KLHL6: variants seen among roughly 807,000 people sequenced by gnomAD.
KLHL6 encodes the protein kelch like family member 6.
A neutral mutation model predicts 58.6 loss-of-function variants in KLHL6; 41 were observed. The observed-to-expected ratio is 0.70, with a 90% CI of 0.55 to 0.91. KLHL6 has a LOEUF of 0.91. KLHL6 is among the 40% of genes least tolerant of loss of function. The pLI is 0.00. For missense variants in KLHL6, 714 were observed against 805.6 expected, an observed-to-expected ratio of 0.89 and a Z score of 1.38; for synonymous variants, 338 against 322.7, an observed-to-expected ratio of 1.05 and a Z score of -0.51.
chr3:183,526,160 A>C (rs988883259), intron 2 of KLHL6, among the ~76,000 whole-genome samples: 20 of 152,014 alleles, frequency 1.3e-4, no homozygotes, highest in African/African-American at 4.3e-4. Context: ...ATACAAAAAA[A>C]ATTAGCCGGG....
intron 2 of KLHL6, among the ~76,000 whole-genome samples, chr3:183,513,207 C>A (rs1351820240): frequency 6.6e-6 from 1 of 152,136 alleles, no homozygotes; most frequent in East Asian, 1.9e-4. Context: ...TACTATAGGC[C>A]AGACTCTACA....
chr3:183,541,840 TTTTG>T (rs1372751304), intron 1 of KLHL6, among the ~76,000 whole-genome samples: 7 of 152,202 alleles, frequency 4.6e-5, no homozygotes, highest in African/African-American at 7.2e-5. Context: ...ACTTGAGATG[TTTTG>T]TTTATGAGCT....
intron 2 of KLHL6, among the ~76,000 whole-genome samples, chr3:183,525,253 G>T (rs1711914923): frequency 2.0e-5 from 1 of 50,030 alleles, no homozygotes; most frequent in African/African-American, 5.8e-5. Flanking sequence ...AACAGAGTGA[G>T]ACTCTCTAAA....
intron 1 of KLHL6, among the ~76,000 whole-genome samples, chr3:183,532,380 C>T: frequency 6.6e-6 from 1 of 152,196 alleles, no homozygotes. Flanking sequence ...AGGAAATAAA[C>T]ATTTCTGTTG....
chr3:183,527,964 T>C lies in KLHL6; in HGVS notation c.340A>G (p.Ile114Val). The part of the protein sequence containing the change: ...DLKEKYEKRI[I>V]IKGVDAETMH... Reference sequence around the variant, plus strand: ...GTCTCAGCATCAACCCCTTTAATAATGATCCTTTTCTCATACTTTTCCTTT... The same window carrying C: ...GTCTCAGCATCAACCCCTTTAATAACGATCCTTTTCTCATACTTTTCCTTT... The change falls in exon 2 of 7, where the codon ATT becomes GTT. Residue 114 changes from isoleucine (I) to valine (V), a missense_variant. Transcript: ENST00000341319. The C allele has an allele frequency of 6.2e-7, 1 of 1,614,040 alleles. No individual in the cohort carries two copies. Among genetic ancestry groups the C allele is most frequent in the Non-Finnish European group, 8.5e-7 (1 of 1,180,006 alleles).
intron 2 of KLHL6, among the ~76,000 whole-genome samples, chr3:183,519,068 T>G (rs1420137181): frequency 6.6e-6 from 1 of 152,024 alleles, no homozygotes; most frequent in African/African-American, 2.4e-5. Context: ...AAAGCAGCAG[T>G]CCGGTATGGC....
At position 183,555,355 on chromosome 3, in the gene KLHL6, G is replaced by A. The variant is rs200520063; in HGVS notation, c.293+6C>T. 6.2e-7 allele frequency: 1 copy of A among 1,612,994 alleles called. No homozygotes were observed. Among genetic ancestry groups the A allele is most frequent in the Non-Finnish European group, 8.5e-7 (1 of 1,179,182 alleles). On this transcript the variant is annotated splice_donor_region_variant and intron_variant, in intron 1 of 6. Coordinates refer to ENST00000341319, the MANE Select transcript of KLHL6 (RefSeq NM_130446.4). ...CCAATTTGACTCTGGTCCTAGGCAT[G>A]CTGACCTGAAATAGTTGCTGGCTGC...
intron 1 of KLHL6, among the ~76,000 whole-genome samples, chr3:183,550,152 A>C (rs983761824): frequency 1.3e-5 from 2 of 152,226 alleles, no homozygotes; most frequent in Non-Finnish European, 2.9e-5. Flanking sequence ...GATTCTCAAC[A>C]GGTTGGAAGA....
At chr3:183,541,387 G>T in intron 1 of KLHL6, among the ~76,000 whole-genome samples, 1 of 152,346 alleles carries the variant, frequency 6.6e-6, no homozygotes, top group Admixed American at 6.5e-5. Flanking sequence ...AGGAGGAGCT[G>T]CCACAGTTGG....
chr3:183,508,745 C>A (rs528812402), intron 2 of KLHL6, among the ~76,000 whole-genome samples: 2 of 151,964 alleles, frequency 1.3e-5, no homozygotes, highest in African/African-American at 4.8e-5. Context: ...GAGATACTTA[C>A]GGGAGGAGCT....
At chr3:183,526,097 C>T (rs905888526) in intron 2 of KLHL6, among the ~76,000 whole-genome samples, 6 of 152,220 alleles carry the variant, frequency 3.9e-5, no homozygotes, top group African/African-American at 9.6e-5. Flanking sequence ...CACCTGAGGT[C>T]GGGAGTTCGA....
intron 2 of KLHL6, among the ~76,000 whole-genome samples, chr3:183,510,524 C>T (rs954230005): frequency 1.3e-5 from 2 of 152,138 alleles, no homozygotes; most frequent in Non-Finnish European, 2.9e-5. Flanking sequence ...TTTGGATCAA[C>T]CTCTATTGCA....
chr3:183,549,811 A>G (rs1022918481), intron 1 of KLHL6, among the ~76,000 whole-genome samples: 6 of 152,170 alleles, frequency 3.9e-5, no homozygotes, highest in Non-Finnish European at 7.3e-5. Context: ...GTGGTGGCTC[A>G]TGCTTGTAAT....
At chr3:183,512,513 CAG>C (rs1718217624) in intron 2 of KLHL6, among the ~76,000 whole-genome samples, 1 of 150,044 alleles carries the variant, frequency 6.7e-6, no homozygotes, top group Non-Finnish European at 1.5e-5. Context: ...TTTTTTGAGA[CAG>C]AGTTTTGCTT....
chr3:183,509,722 C>T (rs528253868), intron 2 of KLHL6, among the ~76,000 whole-genome samples: 73 of 152,132 alleles, frequency 4.8e-4, no homozygotes, highest in African/African-American at 1.5e-3. Context: ...TCAGAGGGGG[C>T]GCATGCTATA....
chr3:183,511,263 G>C (rs891950345), intron 2 of KLHL6, among the ~76,000 whole-genome samples: 7 of 152,180 alleles, frequency 4.6e-5, no homozygotes, highest in Non-Finnish European at 1.0e-4. Flanking sequence ...CCAGATTTTT[G>C]CTTCTCTCCA....
Position 183,487,951 on chromosome 3 carries a change from T to C in KLHL6, c.*3976A>G, listed in dbSNP as rs1717445579. ...TTCAGAATAAAACAGGATAAGCAAATAACTCACAACAGTACCTCATAGTCT... is the reference window on the plus strand; with the variant it reads ...TTCAGAATAAAACAGGATAAGCAAACAACTCACAACAGTACCTCATAGTCT... On this transcript the variant is annotated 3_prime_UTR_variant, in exon 7 of 7. Coordinates refer to ENST00000341319, the MANE Select transcript of KLHL6 (RefSeq NM_130446.4). 1 of 152,166 alleles carries C rather than the reference T, an allele frequency of 6.6e-6. No individual in the cohort carries two copies. The highest frequency in any genetic ancestry group is 2.4e-5 in the African/African-American group (1 of 41,438). 9.4% of individuals were successfully genotyped at this position (152,166 alleles called of 1,614,324 possible).
At chr3:183,524,528 G>T (rs1452116445) in intron 2 of KLHL6, among the ~76,000 whole-genome samples, 1 of 152,164 alleles carries the variant, frequency 6.6e-6, no homozygotes, top group South Asian at 2.1e-4. Flanking sequence ...CTGTTTCATG[G>T]CATCGCTGAT....
rs1018359892 is a variant in KLHL6 at position 183,489,594 on chromosome 3, A to G, written c.*2333T>C. 2.0e-5 allele frequency: 3 copies of G among 152,194 alleles called. No individual in the cohort carries two copies. The highest frequency in any genetic ancestry group is 2.9e-5 in the Non-Finnish European group (2 of 68,040). The allele number at this position is 152,194 out of a possible 1,614,324, so 9.4% of individuals were successfully genotyped here. A position where few individuals can be genotyped will look rare whatever the true frequency, so the allele number is the denominator to read the frequency against. Reference sequence around the variant, plus strand: ...TGTTTGCTGAATTGAACTAGATTACACTGTTACATTGCTTCAGTTGGGAGC... The same window carrying G: ...TGTTTGCTGAATTGAACTAGATTACGCTGTTACATTGCTTCAGTTGGGAGC... On this transcript the variant is annotated 3_prime_UTR_variant, in exon 7 of 7. Transcript: ENST00000341319.
Sources: gnomAD v4.1 joint callset for allele counts (sites outside exome capture counted in the v4.1 genomes callset) on GRCh38, gnomAD v4.1.1 for gene constraint, MANE v1.5 for transcripts, NCBI Gene and HGNC (gene_info 2026-07-23, HGNC 2026-07-21) for gene names.